BCAP31: variants seen among roughly 807,000 people sequenced by gnomAD.
BCAP31 encodes B-cell receptor-associated protein 31.
For missense variants in BCAP31, 124 were observed against 193.0 expected (o/e 0.64, Z 2.12); for synonymous variants, 75 against 80.9 (o/e 0.93, Z 0.39).
chrX:153,711,685 CAT>C (rs2091592380), intron 4 of BCAP31, among the ~76,000 whole-genome samples: 1 of 111,556 alleles, frequency 9.0e-6, no homozygotes, highest in Non-Finnish European at 1.9e-5. Flanking sequence ...GGGCAGATCA[CAT>C]GAGGCCAGGA....
At chrX:153,708,825 A>C (rs1192092079) in intron 4 of BCAP31, among the ~76,000 whole-genome samples, 1 of 112,864 alleles carries the variant, frequency 8.9e-6, no homozygotes, top group Non-Finnish European at 1.9e-5. Flanking sequence ...GGCTGCCCCA[A>C]GTCCATTTTG....
At chrX:153,702,642 C>T (rs1272330821) in intron 6 of BCAP31, among the ~76,000 whole-genome samples, 25 of 112,437 alleles carry the variant, frequency 2.2e-4, no homozygotes, top group Non-Finnish European at 4.1e-4. Context: ...CCGTGCCACA[C>T]TCTGGACGGG....
At chrX:153,723,565 G>GC in intron 1 of BCAP31, 6 of 1,168,072 alleles carry the variant, frequency 5.1e-6, no homozygotes, top group Non-Finnish European at 6.9e-6. Context: ...GACGATCCCT[G>GC]CCCCAGGAAG....
chrX:153,717,480 C>G (rs922231579), intron 3 of BCAP31, among the ~76,000 whole-genome samples: 2 of 112,609 alleles, frequency 1.8e-5, no homozygotes, highest in Non-Finnish European at 3.8e-5. Flanking sequence ...CTCTGTCACC[C>G]AGGCTTGAGT....
chrX:153,715,501 G>A, intron 4 of BCAP31, 41 bp downstream of exon 4: 1 of 1,202,800 alleles, frequency 8.3e-7, no homozygotes, highest in Non-Finnish European at 1.1e-6. Context: ...GCTAGCCCAT[G>A]GCTCCTTTCA....
chrX:153,722,463 T>C (rs888455311), intron 2 of BCAP31, among the ~76,000 whole-genome samples: 1 of 111,787 alleles, frequency 8.9e-6, no homozygotes, highest in Non-Finnish European at 1.9e-5. Flanking sequence ...TCTTGTCAAC[T>C]GTACGAAGGT....
chrX:153,709,815 A>T (rs192697372), intron 4 of BCAP31, among the ~76,000 whole-genome samples: 1 of 113,215 alleles, frequency 8.8e-6, no homozygotes, highest in East Asian at 2.8e-4. Context: ...AGCGCCCTTC[A>T]TATGTGCCAG....
At chrX:153,716,055 A>C (rs1403967864) in intron 3 of BCAP31, among the ~76,000 whole-genome samples, 1 of 108,102 alleles carries the variant, frequency 9.3e-6, no homozygotes, top group Non-Finnish European at 1.9e-5. Context: ...AATCCCAGCT[A>C]CTCGGGAGGC....
intron 1 of BCAP31, chrX:153,723,798 C>A (rs1228666534): frequency 2.5e-6 from 2 of 814,975 alleles, no homozygotes; most frequent in Admixed American, 6.9e-5. Context: ...TCCCACCGTC[C>A]CCACGGCGCC....
At chrX:153,717,142 T>C (rs955873917) in intron 3 of BCAP31, among the ~76,000 whole-genome samples, 2 of 112,398 alleles carry the variant, frequency 1.8e-5, no homozygotes, top group Non-Finnish European at 3.8e-5. Flanking sequence ...CAGAAATCTT[T>C]TATACTATAT....
chrX:153,715,168 C>CA (rs1557049849), intron 4 of BCAP31, among the ~76,000 whole-genome samples: 1 of 111,889 alleles, frequency 8.9e-6, no homozygotes, highest in African/African-American at 3.2e-5. Context: ...ACCCCGGACA[C>CA]AAAGAGTCCC....
rs1205285603 is a variant in BCAP31 at position 153,703,949 on chromosome X, C to T, written c.477+10G>A. The T allele has an allele frequency of 8.3e-7, 1 of 1,208,280 alleles. No homozygotes were observed. On this transcript the variant is annotated intron_variant, in intron 5 of 7. Transcript: ENST00000345046. ...GGACGCCCCATGGTGGGTCGGGAAG[C>T]TGGGCTCACCTTCTTGAGCTGGTCA...
At chrX:153,701,956 T>A (rs1380090312) in intron 7 of BCAP31, 51 bp downstream of exon 7, 5 of 1,139,997 alleles carry the variant, frequency 4.4e-6, no homozygotes, top group Non-Finnish European at 5.9e-6. Flanking sequence ...AGGGGCTGCC[T>A]CATCCTGCTC....
chrX:153,702,966 C>T lies in BCAP31; in HGVS notation c.570G>A (p.Lys190=), dbSNP rs782766584. The T allele has an allele frequency of 1.7e-6, 2 of 1,210,540 alleles. No homozygotes were observed. Among genetic ancestry groups the T allele is most frequent in the East Asian group, 3.0e-5 (1 of 33,835 alleles). ...ENRSLKADLQ[K]LKDELASTKQ... ...TAGTGCTGGCCAGCTCGTCCTTTAG[C>T]TTCTGCAGGTCAGCCTTCAGGCTCC... Residue 190 remains lysine, a synonymous_variant, in exon 6 of 8, where the codon AAG becomes AAA. Coordinates refer to ENST00000345046, the MANE Select transcript of BCAP31 (RefSeq NM_001256447.2).
intron 4 of BCAP31, among the ~76,000 whole-genome samples, chrX:153,708,073 C>CA (rs2091566123): frequency 1.8e-5 from 2 of 112,481 alleles, no homozygotes; most frequent in Non-Finnish European, 3.8e-5. Flanking sequence ...GCCTGGGGTC[C>CA]AAAAAAAGGC....
At chrX:153,716,341 G>A (rs559971466) in intron 3 of BCAP31, among the ~76,000 whole-genome samples, 3 of 109,091 alleles carry the variant, frequency 2.8e-5, no homozygotes, top group Non-Finnish European at 3.8e-5. Flanking sequence ...CCCTCACCGC[G>A]TCTTGTTCTG....
intron 4 of BCAP31, chrX:153,705,103 T>TG (rs201521631): frequency 8.9e-6 from 1 of 112,866 alleles, no homozygotes; most frequent in African/African-American, 3.2e-5. Flanking sequence ...ACACAGGGCC[T>TG]GGGGGAAGGA....
chrX:153,703,092 G>A lies in BCAP31; in HGVS notation c.478-34C>T, dbSNP rs370906076. The A allele has an allele frequency of 9.2e-6, 11 of 1,195,061 alleles. No individual in the cohort carries two copies. The Admixed American group carries it at 2.4e-4, about 26-fold the overall frequency. On this transcript the variant is annotated intron_variant, in intron 5 of 7. Transcript: ENST00000345046. ...AGTGCCAAAGGCCAGGGTTACTCAG[G>A]AGGGAGGGAGGGAGAGGTTCCAGCC...
At position 153,700,593 on chromosome X, in the gene BCAP31, A is replaced by C; in HGVS notation, c.*344T>G. ...GACCAAAGAAAACACCCAGAGGGCA[A>C]AACAAAAAGGGGCTCAAACCAACAG... On this transcript the variant is annotated 3_prime_UTR_variant, in exon 8 of 8. Transcript: ENST00000345046. The C allele has an allele frequency of 4.8e-6, 1 of 207,311 alleles. No homozygotes were observed. Among genetic ancestry groups the C allele is most frequent in the Non-Finnish European group, 8.7e-6 (1 of 115,178 alleles). 17.1% of individuals were successfully genotyped at this position (207,311 alleles called of 1,213,427 possible).
Sources: allele counts gnomAD v4.1 joint callset (sites outside exome capture counted in the v4.1 genomes callset), GRCh38; gene constraint gnomAD v4.1.1; transcripts MANE v1.5; gene names NCBI Gene and HGNC (gene_info 2026-07-23, HGNC 2026-07-21).